ARFGEF1: variants seen among roughly 807,000 people sequenced by gnomAD.
ARFGEF1 encodes brefeldin A-inhibited guanine nucleotide-exchange protein 1.
In ARFGEF1, 42 loss-of-function variants were observed where a neutral mutation model predicts 231.0. The ratio of observed to expected loss-of-function variants is 0.18; its 90% CI spans 0.14 to 0.24. The LOEUF (loss-of-function observed/expected upper bound fraction) is 0.24, where lower values mean the gene tolerates loss of function less well. Among genes scored for constraint, ARFGEF1 ranks in the 10% least tolerant of loss-of-function variants. ARFGEF1 has a pLI of 1.00. For synonymous variants in ARFGEF1, 710 were observed against 732.3 expected (o/e 0.97, Z 0.49); for missense variants, 1,345 against 2,192.0 (o/e 0.61, Z 7.72).
At chr8:67,329,606 GA>G (rs1217707004) in intron 1 of ARFGEF1, among the ~76,000 whole-genome samples, 3 of 149,758 alleles carry the variant, frequency 2.0e-5, no homozygotes, top group African/African-American at 7.3e-5. Flanking sequence ...GAAAGAGCTA[GA>G]AAAAAAGCAA....
chr8:67,302,300 T>C, intron 2 of ARFGEF1, 136 bp downstream of exon 2: 1 of 447,594 alleles, frequency 2.2e-6, no homozygotes, highest in Non-Finnish European at 3.9e-6. Context: ...TCTTAAAACC[T>C]ATTTTTAAAG....
intron 21 of ARFGEF1, 63 bp downstream of exon 21, chr8:67,238,672 G>A: frequency 6.4e-7 from 1 of 1,553,774 alleles, no homozygotes; most frequent in Non-Finnish European, 8.8e-7. Context: ...GTCAATGATG[G>A]ACTATTTAGC....
intron 22 of ARFGEF1, among the ~76,000 whole-genome samples, chr8:67,237,538 G>A (rs1468468384): frequency 6.6e-6 from 1 of 152,130 alleles, no homozygotes; most frequent in African/African-American, 2.4e-5. Flanking sequence ...CCTGCTCTAA[G>A]TAATGCGTCC....
chr8:67,232,594 A>G (rs912213757), intron 23 of ARFGEF1, among the ~76,000 whole-genome samples: 1 of 152,022 alleles, frequency 6.6e-6, no homozygotes, highest in Non-Finnish European at 1.5e-5. Flanking sequence ...ATTCTTTTCC[A>G]TCGAGGTTAC....
At chr8:67,190,308 G>A (rs1182354178) in intron 5 of ARFGEF1, among the ~76,000 whole-genome samples, 1 of 152,206 alleles carries the variant, frequency 6.6e-6, no homozygotes, top group East Asian at 1.9e-4. Context: ...ATTGCTAAGT[G>A]AAAAGACAAA....
intron 23 of ARFGEF1, among the ~76,000 whole-genome samples, 158 bp downstream of exon 23, chr8:67,232,697 T>C (rs1170595062): frequency 1.3e-5 from 2 of 152,052 alleles, no homozygotes; most frequent in African/African-American, 2.4e-5. Flanking sequence ...AGCAAAATTA[T>C]AGGTACTTCA....
chr8:67,278,820 G>C (rs999700883), intron 7 of ARFGEF1, among the ~76,000 whole-genome samples: 2 of 152,118 alleles, frequency 1.3e-5, no homozygotes, highest in Non-Finnish European at 2.9e-5. Flanking sequence ...GCATTAATAA[G>C]TATAACATGA....
At chr8:67,277,842 A>T (rs559059663) in intron 7 of ARFGEF1, among the ~76,000 whole-genome samples, 1 of 152,340 alleles carries the variant, frequency 6.6e-6, no homozygotes, top group African/African-American at 2.4e-5. Context: ...ATGCTGGGAA[A>T]TAGGTTTCTT....
intron 1 of ARFGEF1, among the ~76,000 whole-genome samples, chr8:67,318,965 A>G (rs1205522091): frequency 6.6e-6 from 1 of 152,264 alleles, no homozygotes; most frequent in Non-Finnish European, 1.5e-5. Flanking sequence ...ACCCTGTCTC[A>G]AAACAGAACA....
At chr8:67,295,561 T>C (rs1473133953) in intron 5 of ARFGEF1, among the ~76,000 whole-genome samples, 1 of 152,132 alleles carries the variant, frequency 6.6e-6, no homozygotes, top group Admixed American at 6.5e-5. Flanking sequence ...AATAAATTAT[T>C]AGTATCCTTT....
Position 67,225,033 on chromosome 8 carries a change from C to G in ARFGEF1, c.4078G>C (p.Ala1360Pro). 6.3e-7 allele frequency: 1 copy of G among 1,585,190 alleles called. No homozygotes were observed. Among genetic ancestry groups the G allele is most frequent in the Non-Finnish European group, 8.6e-7 (1 of 1,168,572 alleles). ...CAKYVSDRPQ[A>P]FKEYTSDDMN... ...TCATCGCTTGTGTATTCCTTGAAAG[C>G]CTTCAAGAAAAAAGGTAGGGTTATT... Residue 1360 changes from alanine (A) to proline (P), a missense_variant and splice_region_variant, in exon 29 of 39, where the codon GCT becomes CCT. Ala to Pro is a conservative substitution (Grantham distance 27). Coordinates refer to ENST00000262215, the MANE Select transcript of ARFGEF1 (RefSeq NM_006421.5).
intron 29 of ARFGEF1, among the ~76,000 whole-genome samples, chr8:67,222,223 A>ATG (rs753714999): frequency 0.035 from 3,403 of 96,326 alleles, 63 homozygotes; most frequent in Admixed American, 0.049. Context: ...ATATATATAT[A>ATG]TGTATATGTA....
chr8:67,313,878 C>T (rs958533253), intron 1 of ARFGEF1, among the ~76,000 whole-genome samples: 1 of 152,072 alleles, frequency 6.6e-6, no homozygotes, highest in African/African-American at 2.4e-5. Context: ...TAGGGAAGGA[C>T]CATCAGGTGG....
In ARFGEF1 at chr8:67,190,585, G is replaced by C. The variant is rs376628823; in HGVS notation, c.560+9811C>G. ...AAATCTTAGTAATTAAAAGGCTCTT[G>C]GTTTAGCTCTGGGTAAGATTTGAAG... On this transcript the variant is annotated intron_variant, in intron 5 of 5. Transcript: ENST00000518789. The C allele has an allele frequency of 2.3e-5, 27 of 1,190,788 alleles. No individual in the cohort carries two copies. In the African/African-American group the frequency reaches 2.6e-4, roughly 11 times the overall value. The allele number at this position is 1,190,788 out of a possible 1,614,324, so 73.8% of individuals were successfully genotyped here.
chr8:67,226,204 T>C (rs771583576), intron 27 of ARFGEF1, 21 bp from the exon 28 acceptor site: 68 of 1,514,458 alleles, frequency 4.5e-5, no homozygotes, highest in Non-Finnish European at 5.8e-5. Context: ...GAAAAATATA[T>C]ATTACTATAA....
intron 1 of ARFGEF1, among the ~76,000 whole-genome samples, chr8:67,335,534 G>A (rs769915587): frequency 3.3e-5 from 5 of 152,148 alleles, no homozygotes; most frequent in Non-Finnish European, 7.4e-5. Flanking sequence ...AAAAGCCATA[G>A]AGATTCTCTT....
Position 67,188,830 on chromosome 8 carries a change from C to T in ARFGEF1, c.560+11566G>A, listed in dbSNP as rs150149245. On this transcript the variant is annotated intron_variant, in intron 5 of 5. Transcript: ENST00000518789. The stretch of plus-strand genomic sequence containing the variant: ...GCTAAGTGCCCGGGTTTGTCCTAAT[C>T]GAGCTGAACACTAGTCACTGGGTTC... 6.7e-3 allele frequency among the ~76,000 whole-genome samples: 1,017 copies of T among 152,278 alleles called. 10 individuals carry two copies. The highest frequency in any genetic ancestry group is 0.024 in the African/African-American group (978 of 41,542).
intron 7 of ARFGEF1, among the ~76,000 whole-genome samples, chr8:67,283,465 A>G (rs1301749363): frequency 6.6e-6 from 1 of 152,182 alleles, no homozygotes; most frequent in African/African-American, 2.4e-5. Context: ...TAAGTACAAT[A>G]TATTCCCATT....
chr8:67,184,822 G>A (rs893111684), intron 5 of ARFGEF1, among the ~76,000 whole-genome samples: 1 of 149,494 alleles, frequency 6.7e-6, no homozygotes, highest in African/African-American at 2.4e-5. Flanking sequence ...ACAGTCGGCC[G>A]GGCACGGTGG....
Sources: allele counts gnomAD v4.1 joint callset (sites outside exome capture counted in the v4.1 genomes callset), GRCh38; gene constraint gnomAD v4.1.1; transcripts MANE v1.5; gene names NCBI Gene and HGNC (gene_info 2026-07-23, HGNC 2026-07-21).